Variants in AGK observed in about 807,000 individuals in gnomAD.
AGK encodes the protein acylglycerol kinase, mitochondrial.
A neutral mutation model predicts 66.4 loss-of-function variants in AGK; 52 were observed. The ratio of observed to expected loss-of-function variants is 0.78; its 90% CI spans 0.63 to 0.99. The LOEUF (loss-of-function observed/expected upper bound fraction) is 0.99, where lower values mean the gene tolerates loss of function less well. Ranked by LOEUF, AGK falls within the 50% of genes least tolerant of loss-of-function variation. The probability of loss-of-function intolerance (pLI) is 0.00; values close to 1 mark genes in which losing one functional copy is unlikely to be tolerated. For missense variants in AGK, 451 were observed against 506.6 expected, an observed-to-expected ratio of 0.89 and a Z score of 1.05; for synonymous variants, 182 against 181.1, an observed-to-expected ratio of 1.00 and a Z score of -0.04.
chr7:141,623,818 G>A lies in AGK; in HGVS notation c.588+2017G>A, dbSNP rs568195239. ...ATCTCAGACTTTCATAGCTAGAGAC[G>A]GGAAGTCAATGCCTGGCTTCAAAGT... On this transcript the variant is annotated intron_variant, in intron 9 of 15. Transcript: ENST00000649286. Among the ~76,000 whole-genome samples the A allele has an allele frequency of 7.2e-5, 11 of 152,210 alleles. No homozygotes were observed. In the East Asian group the frequency reaches 7.7e-4, roughly 11 times the overall value.
chr7:141,646,361 C>G (rs575385925), intron 13 of AGK, among the ~76,000 whole-genome samples: 1 of 151,854 alleles, frequency 6.6e-6, no homozygotes, highest in South Asian at 2.1e-4. Context: ...AGGAATAGTT[C>G]GTGTTCAAAC....
At chr7:141,647,218 T>G (rs1357220516) in intron 13 of AGK, among the ~76,000 whole-genome samples, 2 of 152,200 alleles carry the variant, frequency 1.3e-5, no homozygotes, top group African/African-American at 4.8e-5. Context: ...ACTCCTGTCT[T>G]AATTCTCAAC....
intron 4 of AGK, among the ~76,000 whole-genome samples, 155 bp from the exon 5 acceptor site, chr7:141,601,050 C>T (rs999052371): frequency 3.9e-5 from 6 of 152,138 alleles, no homozygotes; most frequent in African/African-American, 1.4e-4. Flanking sequence ...CATATTAACT[C>T]ATTACTTGTT....
intron 2 of AGK, among the ~76,000 whole-genome samples, chr7:141,574,445 G>T (rs1004815343): frequency 6.6e-6 from 1 of 152,172 alleles, no homozygotes; most frequent in East Asian, 1.9e-4. Context: ...GATATCTCGC[G>T]GAGACCTGAG....
chr7:141,637,540 T>C (rs1220015644), intron 11 of AGK, among the ~76,000 whole-genome samples: 1 of 152,184 alleles, frequency 6.6e-6, no homozygotes, highest in South Asian at 2.1e-4. Flanking sequence ...CTACTCTATA[T>C]GATACAATAA....
chr7:141,653,499 GT>G lies in AGK; in HGVS notation c.*576del, dbSNP rs1401658423. 1 of 152,298 alleles carries G rather than the reference GT, an allele frequency of 6.6e-6. No homozygotes were observed. Among genetic ancestry groups the G allele is most frequent in the African/African-American group, 2.4e-5 (1 of 41,432 alleles). 9.4% of individuals were successfully genotyped at this position (152,298 alleles called of 1,614,324 possible). ...TGCTAGTTTTTATTTATTTTTTTAA[GT>G]AGTGCTTCCTAAATGGTTTGCATGA... is the stretch of plus-strand genomic sequence containing the variant. On this transcript the variant is annotated 3_prime_UTR_variant, in exon 16 of 16. Transcript: ENST00000649286.
intron 2 of AGK, among the ~76,000 whole-genome samples, chr7:141,591,082 G>GTT (rs60762855): frequency 1.6e-4 from 10 of 61,088 alleles, no homozygotes; most frequent in East Asian, 6.5e-4. Flanking sequence ...TTCTTAAGTT[G>GTT]TTTTTTTTTT....
At chr7:141,627,978 T>A in intron 9 of AGK, among the ~76,000 whole-genome samples, 1 of 152,172 alleles carries the variant, frequency 6.6e-6, no homozygotes. Context: ...ACCTCCCAGG[T>A]TCAAGCCATT....
chr7:141,635,472 A>G (rs1055637107), intron 10 of AGK, among the ~76,000 whole-genome samples: 5 of 152,220 alleles, frequency 3.3e-5, no homozygotes, highest in African/African-American at 1.2e-4. Flanking sequence ...TTAAAAAATA[A>G]TAACACAAAA....
intron 2 of AGK, among the ~76,000 whole-genome samples, chr7:141,590,964 G>A (rs1405350958): frequency 6.6e-6 from 1 of 152,060 alleles, no homozygotes; most frequent in East Asian, 1.9e-4. Flanking sequence ...TGGGGACTGG[G>A]CTGACTTGTG....
intron 13 of AGK, among the ~76,000 whole-genome samples, chr7:141,643,267 G>A (rs1226007944): frequency 6.6e-6 from 1 of 152,180 alleles, no homozygotes; most frequent in African/African-American, 2.4e-5. Context: ...AATCATTAAA[G>A]TAGTAGGGTA....
chr7:141,608,988 A>C (rs1049018573), intron 5 of AGK, among the ~76,000 whole-genome samples: 3 of 152,230 alleles, frequency 2.0e-5, no homozygotes, highest in Non-Finnish European at 2.9e-5. Flanking sequence ...CAGGATTGAC[A>C]TACATACATT....
At chr7:141,629,861 C>T (rs1797019895) in intron 9 of AGK, among the ~76,000 whole-genome samples, 1 of 151,932 alleles carries the variant, frequency 6.6e-6, no homozygotes, top group African/African-American at 2.4e-5. Context: ...TGCTTCTTGC[C>T]TACACTACAT....
At chr7:141,601,355 G>A (rs889021333) in intron 5 of AGK, 75 bp downstream of exon 5, 19 of 1,155,384 alleles carry the variant, frequency 1.6e-5, no homozygotes, top group Non-Finnish European at 2.3e-5. Context: ...TGGCTTCTTA[G>A]CAAAAATTGC....
At chr7:141,594,183 A>T (rs971744773) in intron 3 of AGK, 5 of 152,202 alleles carry the variant, frequency 3.3e-5, no homozygotes, top group African/African-American at 1.2e-4. Context: ...ATAAACTTTA[A>T]TATTAAATTA....
chr7:141,579,620 AG>A (rs1213809005), intron 2 of AGK, among the ~76,000 whole-genome samples: 2 of 151,818 alleles, frequency 1.3e-5, no homozygotes, highest in Non-Finnish European at 2.9e-5. Context: ...TAGGGAAGGG[AG>A]GGGGCCTGAA....
intron 2 of AGK, among the ~76,000 whole-genome samples, chr7:141,567,080 C>T (rs1324524953): frequency 6.6e-6 from 1 of 152,106 alleles, no homozygotes; most frequent in Non-Finnish European, 1.5e-5. Context: ...ATTTTCTTGG[C>T]CCATATCCTT....
At chr7:141,552,049 G>T (rs536738180) in intron 1 of AGK, among the ~76,000 whole-genome samples, 1 of 152,110 alleles carries the variant, frequency 6.6e-6, no homozygotes. Context: ...ACCTGGCTTG[G>T]TTCCTCCTCT....
rs758767055 is a variant in AGK, at chr7:141,571,490, A to G, written c.101+15923A>G. Among the ~76,000 whole-genome samples the G allele has an allele frequency of 3.9e-5, 6 of 152,214 alleles. No individual in the cohort carries two copies. The East Asian group carries it at 5.8e-4, about 15-fold the overall frequency. ...GGAGCCATAATTAGATTCCAGTGCA[A>G]TTTATTTGGCAAGGATGCTTATAGG... On this transcript the variant is annotated intron_variant, in intron 2 of 15. Coordinates refer to ENST00000649286, the MANE Select transcript of AGK (RefSeq NM_018238.4).
Sources: allele counts gnomAD v4.1 joint callset (sites outside exome capture counted in the v4.1 genomes callset), GRCh38; gene constraint gnomAD v4.1.1; transcripts MANE v1.5; gene names NCBI Gene and HGNC (gene_info 2026-07-23, HGNC 2026-07-21).